Variants in PELI2 observed in about 807,000 individuals in gnomAD.
PELI2 encodes the protein pellino E3 ubiquitin protein ligase family member 2.
Under a neutral mutation model 42.3 loss-of-function variants are expected in PELI2, and 23 were observed. The ratio of observed to expected loss-of-function variants is 0.54; its 90% CI spans 0.39 to 0.77. The LOEUF is 0.77. PELI2 is among the 30% of genes least tolerant of loss of function. The pLI is 0.00. For missense variants in PELI2, 463 were observed against 553.2 expected (o/e 0.84, Z 1.64); for synonymous variants, 245 against 212.2 (o/e 1.15, Z -1.34).
At chr14:56,291,501 A>G (rs923254978) in intron 5 of PELI2, among the ~76,000 whole-genome samples, 5 of 152,242 alleles carry the variant, frequency 3.3e-5, no homozygotes, top group Non-Finnish European at 1.5e-5. Flanking sequence ...CTGAATAAAT[A>G]TGAGAAGCAT....
chr14:56,131,614 G>T (rs1566597617), intron 1 of PELI2, among the ~76,000 whole-genome samples: 1 of 152,176 alleles, frequency 6.6e-6, no homozygotes, highest in Non-Finnish European at 1.5e-5. Context: ...CCCTTCAGTT[G>T]AATTATTGTC....
chr14:56,151,664 C>T (rs893441175), intron 1 of PELI2, among the ~76,000 whole-genome samples: 1 of 152,094 alleles, frequency 6.6e-6, no homozygotes, highest in African/African-American at 2.4e-5. Context: ...CAGGGCCTCC[C>T]CTATAAGTTT....
At chr14:56,154,217 A>T (rs1220871854) in intron 1 of PELI2, among the ~76,000 whole-genome samples, 1 of 152,222 alleles carries the variant, frequency 6.6e-6, no homozygotes, top group Non-Finnish European at 1.5e-5. Context: ...TTTGGTTTAC[A>T]TAATTTTTTC....
rs780896137 is a variant in PELI2 at position 56,296,813 on chromosome 14, G to A, written c.910G>A (p.Glu304Lys). 2 of 1,614,134 alleles carry A rather than the reference G, an allele frequency of 1.2e-6. No individual in the cohort carries two copies. The highest frequency in any genetic ancestry group is 1.3e-5 in the African/African-American group (1 of 75,042). ...PSINRKEVVE[E>K]KQPWAYLSCG... is the part of the protein sequence containing the mutation. ...CATCAACAGGAAAGAGGTGGTGGAG[G>A]AGAAGCAGCCCTGGGCATATCTCAG... is the stretch of plus-strand genomic sequence containing the variant. The change falls in exon 6 of 6, where the codon GAG (glutamate) becomes AAG (lysine). Residue 304 changes from glutamate (E) to lysine (K), a missense_variant. Around this residue, in one of 3 missense-constraint regions of PELI2, gnomAD observed 17 missense variants for 45.3 expected, o/e 0.38. Transcript: ENST00000267460.
intron 3 of PELI2, among the ~76,000 whole-genome samples, chr14:56,281,164 G>A (rs1482000019): frequency 2.0e-5 from 3 of 152,014 alleles, no homozygotes; most frequent in African/African-American, 4.8e-5. Flanking sequence ...TCTAACTTCA[G>A]TCATTTTTAT....
At chr14:56,200,289 C>CT (rs1241132938) in intron 2 of PELI2, among the ~76,000 whole-genome samples, 1 of 152,262 alleles carries the variant, frequency 6.6e-6, no homozygotes, top group Non-Finnish European at 1.5e-5. Flanking sequence ...AGATTCTGTG[C>CT]TAATAAGCAC....
At chr14:56,172,399 C>A (rs527308386) in intron 1 of PELI2, among the ~76,000 whole-genome samples, 6 of 152,202 alleles carry the variant, frequency 3.9e-5, no homozygotes, top group African/African-American at 1.4e-4. Flanking sequence ...CAGAACATCA[C>A]TTCCTTTGCA....
At chr14:56,155,443 C>A (rs1884521616) in intron 1 of PELI2, among the ~76,000 whole-genome samples, 1 of 152,148 alleles carries the variant, frequency 6.6e-6, no homozygotes, top group Non-Finnish European at 1.5e-5. Flanking sequence ...GTTTCCCTAG[C>A]ACAATCGATT....
intron 1 of PELI2, among the ~76,000 whole-genome samples, chr14:56,125,341 A>G (rs1883212347): frequency 1.3e-5 from 2 of 150,528 alleles, no homozygotes; most frequent in South Asian, 2.1e-4. Context: ...AAAGGAGTAG[A>G]TAAAAAATGG....
At chr14:56,147,088 A>T (rs1002224651) in intron 1 of PELI2, among the ~76,000 whole-genome samples, 1 of 152,224 alleles carries the variant, frequency 6.6e-6, no homozygotes, top group African/African-American at 2.4e-5. Flanking sequence ...TCCACTTAAC[A>T]TAATGTTTTC....
Position 56,180,987 on chromosome 14 carries a change from G to T in PELI2, c.207+2523G>T, listed in dbSNP as rs1885554992. Among the ~76,000 whole-genome samples the T allele has an allele frequency of 6.6e-6, 1 of 152,078 alleles. No individual in the cohort carries two copies. Among genetic ancestry groups the T allele is most frequent in the Admixed American group, 6.6e-5 (1 of 15,266 alleles). On this transcript the variant is annotated intron_variant, in intron 2 of 5. Coordinates refer to ENST00000267460, the MANE Select transcript of PELI2 (RefSeq NM_021255.3). The surrounding 1 kb of genome is among the most constrained non-coding windows in gnomAD (Gnocchi z 4.4). ...TCTTATGTTTGTGGAACATATTTCA[G>T]TGACTCGGTACCTACCCCCGAGTCT...
At chr14:56,155,078 A>G (rs1884500842) in intron 1 of PELI2, among the ~76,000 whole-genome samples, 1 of 152,204 alleles carries the variant, frequency 6.6e-6, no homozygotes, top group Admixed American at 6.5e-5. Flanking sequence ...CTATGAAGAT[A>G]TCTGTGTCTT....
At chr14:56,274,970 C>T (rs1889238833) in intron 2 of PELI2, among the ~76,000 whole-genome samples, 1 of 152,164 alleles carries the variant, frequency 6.6e-6, no homozygotes, top group Non-Finnish European at 1.5e-5. Flanking sequence ...GAGAGTGTCA[C>T]TACTGGTACC....
chr14:56,270,989 G>C (rs1456304109), intron 2 of PELI2, among the ~76,000 whole-genome samples: 1 of 152,184 alleles, frequency 6.6e-6, no homozygotes, highest in East Asian at 1.9e-4. Flanking sequence ...AAGCCAGTTT[G>C]ATATAAATGT....
At chr14:56,151,467 G>A (rs1458001236) in intron 1 of PELI2, among the ~76,000 whole-genome samples, 1 of 152,184 alleles carries the variant, frequency 6.6e-6, no homozygotes, top group Non-Finnish European at 1.5e-5. Context: ...GATTTCTCAA[G>A]GGGCTGAACT....
At chr14:56,227,870 AT>A (rs1007339576) in intron 2 of PELI2, among the ~76,000 whole-genome samples, 4 of 152,212 alleles carry the variant, frequency 2.6e-5, no homozygotes, top group Non-Finnish European at 5.9e-5. Flanking sequence ...CATAAGCCAG[AT>A]TGAAGGAGTT....
chr14:56,245,841 T>C (rs896429479), intron 2 of PELI2, among the ~76,000 whole-genome samples: 1 of 152,210 alleles, frequency 6.6e-6, no homozygotes, highest in African/African-American at 2.4e-5. Context: ...TTGTTTTAGA[T>C]GTTGTAAGTA....
rs994758291 is a variant in PELI2, at chr14:56,247,742, A to C, written c.208-31934A>C. Reference sequence around the variant, plus strand: ...TAGGTATAATCATTCACCCAGGTATAAATCTACTTTGGGTATTATCTTCTA... The same window carrying C: ...TAGGTATAATCATTCACCCAGGTATCAATCTACTTTGGGTATTATCTTCTA... On this transcript the variant is annotated intron_variant, in intron 2 of 5. Transcript: ENST00000267460. Among the ~76,000 whole-genome samples, 3 of 152,244 alleles carry C rather than the reference A, an allele frequency of 2.0e-5. No homozygotes were observed. In the South Asian group the frequency reaches 6.2e-4, roughly 31 times the overall value.
chr14:56,180,384 G>A lies in PELI2; in HGVS notation c.207+1920G>A, dbSNP rs908543261. 1.3e-5 allele frequency among the ~76,000 whole-genome samples: 2 copies of A among 152,174 alleles called. No individual in the cohort carries two copies. Among genetic ancestry groups the A allele is most frequent in the African/African-American group, 4.8e-5 (2 of 41,442 alleles). On this transcript the variant is annotated intron_variant, in intron 2 of 5. Coordinates refer to ENST00000267460, the MANE Select transcript of PELI2 (RefSeq NM_021255.3). The surrounding 1 kb of genome is among the most constrained non-coding windows in gnomAD (Gnocchi z 4.4). ...TATTATAGGCTAGCCCTCAGAATCA[G>A]AGAAAAGTTGAGTAACCAGGTTTTG... is the stretch of plus-strand genomic sequence containing the variant.
Sources: allele counts gnomAD v4.1 joint callset (sites outside exome capture counted in the v4.1 genomes callset), GRCh38; gene constraint gnomAD v4.1.1; regional missense constraint gnomAD v4.1.1; non-coding constraint Gnocchi (gnomAD v3.1); transcripts MANE v1.5; gene names NCBI Gene and HGNC (gene_info 2026-07-23, HGNC 2026-07-21).